SIPA1L1: variants seen among roughly 807,000 people sequenced by gnomAD.
SIPA1L1 encodes the protein signal-induced proliferation-associated 1-like protein 1.
SIPA1L1 carries 26 observed loss-of-function variants against 162.7 expected under a neutral mutation model. The ratio of observed to expected loss-of-function variants is 0.16; its 90% CI spans 0.12 to 0.22. The LOEUF (loss-of-function observed/expected upper bound fraction) is 0.22. SIPA1L1 is among the 10% of genes least tolerant of loss of function. The pLI is 1.00. For synonymous variants in SIPA1L1, 829 were observed against 837.4 expected, an observed-to-expected ratio of 0.99 and a Z score of 0.17; for missense variants, 1,874 against 2,241.0, an observed-to-expected ratio of 0.84 and a Z score of 3.31.
At chr14:71,529,440 C>A in intron 4 of SIPA1L1, 70 bp downstream of exon 4, 1 of 571,408 alleles carries the variant, frequency 1.8e-6, no homozygotes, top group Non-Finnish European at 3.2e-6. Context: ...GTTTAAATTT[C>A]TGATTAGAGA....
At chr14:71,503,781 C>G (rs1428885603) in intron 2 of SIPA1L1, 1 of 151,860 alleles carries the variant, frequency 6.6e-6, no homozygotes, top group Non-Finnish European at 1.5e-5. Context: ...AGTTACTTAT[C>G]TAGTATTTCT....
chr14:71,387,905 T>A (rs1246322257), intron 2 of SIPA1L1, among the ~76,000 whole-genome samples: 7 of 152,252 alleles, frequency 4.6e-5, no homozygotes, highest in Admixed American at 1.3e-4. Context: ...TATGATTCAA[T>A]TTGTTATGCT....
chr14:71,323,445 C>A (rs1566886181), intron 2 of SIPA1L1, among the ~76,000 whole-genome samples: 1 of 152,086 alleles, frequency 6.6e-6, no homozygotes, highest in East Asian at 1.9e-4. Context: ...TCTTATCAGT[C>A]CTTACCGTTG....
chr14:71,702,772 A>G (rs1044500862), intron 15 of SIPA1L1, among the ~76,000 whole-genome samples: 1 of 152,232 alleles, frequency 6.6e-6, no homozygotes, highest in Non-Finnish European at 1.5e-5. Flanking sequence ...TACCAGACTA[A>G]GTACCTTCCT....
chr14:71,361,079 A>G (rs1190307143), intron 2 of SIPA1L1, among the ~76,000 whole-genome samples: 9 of 151,962 alleles, frequency 5.9e-5, no homozygotes, highest in Non-Finnish European at 8.8e-5. Flanking sequence ...ACCTCACTGT[A>G]CCCTTCCCCC....
chr14:71,634,030 A>C (rs945389327), intron 7 of SIPA1L1, among the ~76,000 whole-genome samples: 1 of 152,034 alleles, frequency 6.6e-6, no homozygotes, highest in African/African-American at 2.4e-5. Flanking sequence ...AAGAGACATC[A>C]TAGTAAAATT....
At chr14:71,726,979 T>A (rs1335690810) in intron 19 of SIPA1L1, among the ~76,000 whole-genome samples, 1 of 152,152 alleles carries the variant, frequency 6.6e-6, no homozygotes, top group East Asian at 1.9e-4. Context: ...AAGCCACTCA[T>A]GTGCCACATT....
chr14:71,637,326 T>TGAGA (rs1044815956), intron 7 of SIPA1L1, among the ~76,000 whole-genome samples: 1 of 151,894 alleles, frequency 6.6e-6, no homozygotes, highest in African/African-American at 2.4e-5. Context: ...TAAGATATTT[T>TGAGA]GAGAGAGAGA....
intron 4 of SIPA1L1, among the ~76,000 whole-genome samples, chr14:71,552,971 C>T (rs762801295): frequency 8.5e-5 from 13 of 152,140 alleles, no homozygotes; most frequent in Non-Finnish European, 1.9e-4. Context: ...ACATGTTCAG[C>T]TGCATCCCCG....
At chr14:71,495,886 C>CAAAAAA (rs61183823) in intron 2 of SIPA1L1, among the ~76,000 whole-genome samples, 67 of 37,924 alleles carry the variant, frequency 1.8e-3, no homozygotes, top group East Asian at 3.6e-3. Context: ...TCCATCTCTA[C>CAAAAAA]AAAAAAAAAA....
At chr14:71,463,020 A>G (rs1265073731) in intron 2 of SIPA1L1, among the ~76,000 whole-genome samples, 8 of 152,248 alleles carry the variant, frequency 5.3e-5, no homozygotes, top group Admixed American at 2.6e-4. Flanking sequence ...AGCAGCTGCA[A>G]TTGGAGTCAC....
At chr14:71,466,935 GT>G (rs2047049267) in intron 2 of SIPA1L1, among the ~76,000 whole-genome samples, 1 of 152,190 alleles carries the variant, frequency 6.6e-6, no homozygotes, top group African/African-American at 2.4e-5. Context: ...TGTTATGTGA[GT>G]GCTTTTGATC....
At chr14:71,595,058 G>A (rs943969508) in intron 5 of SIPA1L1, among the ~76,000 whole-genome samples, 19 of 152,274 alleles carry the variant, frequency 1.2e-4, no homozygotes, top group African/African-American at 4.6e-4. Context: ...GATCTGGAAG[G>A]CTTTCACAGT....
At chr14:71,589,898 A>G (rs2035045431) in intron 5 of SIPA1L1, among the ~76,000 whole-genome samples, 1 of 151,686 alleles carries the variant, frequency 6.6e-6, no homozygotes, top group Non-Finnish European at 1.5e-5. Context: ...CAAAAGTCAC[A>G]GAGCCAATAA....
At chr14:71,526,399 T>A (rs1423059821) in intron 3 of SIPA1L1, among the ~76,000 whole-genome samples, 1 of 152,204 alleles carries the variant, frequency 6.6e-6, no homozygotes, top group African/African-American at 2.4e-5. Context: ...CTGACTTACA[T>A]AGTTTTACCT....
At chr14:71,430,807 C>G (rs1193748868) in intron 2 of SIPA1L1, among the ~76,000 whole-genome samples, 1 of 152,184 alleles carries the variant, frequency 6.6e-6, no homozygotes, top group East Asian at 1.9e-4. Flanking sequence ...CACCACCTGT[C>G]AAGTCACCTT....
chr14:71,389,381 T>G (rs1431120320), intron 2 of SIPA1L1, among the ~76,000 whole-genome samples: 1 of 152,232 alleles, frequency 6.6e-6, no homozygotes, highest in Non-Finnish European at 1.5e-5. Flanking sequence ...TTTCTATGTT[T>G]CCCTTTTGCC....
At chr14:71,633,364 G>A (rs1020189830) in intron 7 of SIPA1L1, among the ~76,000 whole-genome samples, 7 of 152,062 alleles carry the variant, frequency 4.6e-5, no homozygotes, top group Non-Finnish European at 7.4e-5. Flanking sequence ...AGTAGAGACG[G>A]GGTTTCACCA....
intron 2 of SIPA1L1, among the ~76,000 whole-genome samples, chr14:71,344,500 G>C (rs899051224): frequency 1.3e-5 from 2 of 152,126 alleles, no homozygotes; most frequent in African/African-American, 4.8e-5. Context: ...TGGACCCAGG[G>C]CTTCTTACAA....
Sources: allele counts gnomAD v4.1 joint callset (sites outside exome capture counted in the v4.1 genomes callset), GRCh38; gene constraint gnomAD v4.1.1; transcripts MANE v1.5; gene names NCBI Gene and HGNC (gene_info 2026-07-23, HGNC 2026-07-21).